Variants in ETS1 observed in about 807,000 individuals in gnomAD.
ETS1 encodes the protein ETS proto-oncogene 1, transcription factor.
A neutral mutation model predicts 58.6 loss-of-function variants in ETS1; 15 were observed. The ratio of observed to expected loss-of-function variants is 0.26; its 90% confidence interval spans 0.17 to 0.39. The LOEUF (loss-of-function observed/expected upper bound fraction) is 0.39, where lower values mean the gene tolerates loss of function less well. Ranked by LOEUF, ETS1 falls within the 10% of genes least tolerant of loss-of-function variation. The pLI is 1.00. For synonymous variants in ETS1, 214 were observed against 218.2 expected (o/e 0.98, Z 0.17); for missense variants, 417 against 610.5 (o/e 0.68, Z 3.34).
At chr11:128,486,454 C>T (rs2135453548) in intron 5 of ETS1, among the ~76,000 whole-genome samples, 2 of 152,298 alleles carry the variant, frequency 1.3e-5, no homozygotes, top group Admixed American at 1.3e-4. Context: ...TGCATTCGTG[C>T]TGCGTGTATG....
chr11:128,585,895 G>A (rs1374898202), intron 1 of ETS1, among the ~76,000 whole-genome samples: 2 of 152,154 alleles, frequency 1.3e-5, no homozygotes, highest in African/African-American at 4.8e-5. Context: ...GACCCCACTT[G>A]CCTTTGAACT....
chr11:128,571,235 T>C (rs953430110), intron 2 of ETS1, among the ~76,000 whole-genome samples: 3 of 151,468 alleles, frequency 2.0e-5, no homozygotes, highest in African/African-American at 4.9e-5. Context: ...GAGACCACGG[T>C]GAAACCCTGT....
chr11:128,473,053 C>T (rs1020923995), intron 8 of ETS1, among the ~76,000 whole-genome samples: 2 of 152,092 alleles, frequency 1.3e-5, no homozygotes, highest in Non-Finnish European at 2.9e-5. Context: ...AGTCTCGATT[C>T]CCTCATTTAT....
intron 7 of ETS1, among the ~76,000 whole-genome samples, chr11:128,482,465 T>C (rs565446265): frequency 1.3e-5 from 2 of 152,294 alleles, no homozygotes; most frequent in African/African-American, 2.4e-5. Context: ...AATTTTATAC[T>C]TGGAGAAAAA....
chr11:128,490,080 T>C (rs1862755256), intron 4 of ETS1, among the ~76,000 whole-genome samples: 2 of 152,222 alleles, frequency 1.3e-5, no homozygotes, highest in African/African-American at 2.4e-5. Context: ...AGTAGCACTG[T>C]AGTATTGATA....
intron 5 of ETS1, among the ~76,000 whole-genome samples, chr11:128,487,745 T>TAAATA (rs1164415796): frequency 2.6e-5 from 4 of 151,428 alleles, no homozygotes; most frequent in East Asian, 3.9e-4. Flanking sequence ...TCTCAAAAAA[T>TAAATA]AAATAAAATA....
chr11:128,586,092 C>T (rs1361669171), intron 1 of ETS1, among the ~76,000 whole-genome samples: 1 of 152,204 alleles, frequency 6.6e-6, no homozygotes, highest in Middle Eastern at 3.2e-3. Context: ...CATAATTAGG[C>T]TCTCGGCTTG....
intron 8 of ETS1, among the ~76,000 whole-genome samples, chr11:128,472,385 A>G (rs971027880): frequency 6.6e-6 from 1 of 152,218 alleles, no homozygotes; most frequent in African/African-American, 2.4e-5. Flanking sequence ...ACAAAAGACA[A>G]TAAAGTTTGG....
chr11:128,527,020 G>T (rs1322608710), intron 3 of ETS1: 2 of 454,108 alleles, frequency 4.4e-6, no homozygotes, highest in African/African-American at 2.0e-5. Flanking sequence ...CATTTACTTT[G>T]CATTTCACTT....
chr11:128,562,556 C>T (rs547804541), intron 2 of ETS1, among the ~76,000 whole-genome samples: 2 of 152,194 alleles, frequency 1.3e-5, no homozygotes, highest in African/African-American at 2.4e-5. Context: ...TCTCCCTGTC[C>T]TCTTAGAAAG....
chr11:128,537,712 T>TA (rs1460113398), intron 3 of ETS1, among the ~76,000 whole-genome samples: 1 of 152,190 alleles, frequency 6.6e-6, no homozygotes, highest in Non-Finnish European at 1.5e-5. Context: ...GCTTTTTTTT[T>TA]ACCACTTATA....
chr11:128,525,954 T>C (rs1234372988), intron 3 of ETS1, among the ~76,000 whole-genome samples: 1 of 152,194 alleles, frequency 6.6e-6, no homozygotes, highest in East Asian at 1.9e-4. Flanking sequence ...GCCAGGGGAC[T>C]CAGATGGTAC....
rs186847037 is a variant in ETS1 at position 128,510,792 on chromosome 11, A to G, written c.215-20216T>C. ...TCACTACTGGCTACTTAAGGTTTAC[A>G]TCCACTCCCAAGGAAACACCAGCAA... On this transcript the variant is annotated intron_variant, in intron 3 of 9. Transcript: ENST00000392668. 8.0e-4 allele frequency among the ~76,000 whole-genome samples: 122 copies of G among 152,310 alleles called. 2 individuals carry two copies. The highest frequency in any genetic ancestry group is 6.3e-3 in the Admixed American group (96 of 15,306).
At chr11:128,511,406 CT>C (rs985448536) in intron 3 of ETS1, among the ~76,000 whole-genome samples, 4 of 152,118 alleles carry the variant, frequency 2.6e-5, no homozygotes, top group Admixed American at 6.6e-5. Context: ...ATCATTCACA[CT>C]TTTTTTTCCT....
chr11:128,537,703 C>CT (rs201783172), intron 3 of ETS1, among the ~76,000 whole-genome samples: 2,212 of 151,446 alleles, frequency 0.015, 29 homozygotes, highest in African/African-American at 0.041. Flanking sequence ...TCTAATTGTG[C>CT]TTTTTTTTTA....
At chr11:128,574,712 G>A (rs1296915590) in intron 1 of ETS1, among the ~76,000 whole-genome samples, 1 of 152,114 alleles carries the variant, frequency 6.6e-6, no homozygotes, top group African/African-American at 2.4e-5. Flanking sequence ...GAGCTCCATG[G>A]CTCCTTTCCC....
At chr11:128,495,996 C>T (rs1050244366) in intron 3 of ETS1, among the ~76,000 whole-genome samples, 2 of 152,114 alleles carry the variant, frequency 1.3e-5, no homozygotes, top group Non-Finnish European at 2.9e-5. Flanking sequence ...CACATGCACA[C>T]CCATACACAC....
intron 1 of ETS1, among the ~76,000 whole-genome samples, chr11:128,584,937 G>GA (rs1157529326): frequency 1.6e-5 from 1 of 63,872 alleles, no homozygotes; most frequent in Non-Finnish European, 3.3e-5. Context: ...AGAAAAAAGA[G>GA]AAAAGAAAGA....
Position 128,579,183 on chromosome 11 carries a change from T to C in ETS1, c.-14-6039A>G, listed in dbSNP as rs141424912. On this transcript the variant is annotated intron_variant, in intron 1 of 9. Transcript: ENST00000392668. ...GCACATGGGGAATTCAAAAGCACAA[T>C]AAAGCTGTGGCAGAAAATGTAGATT... Among the ~76,000 whole-genome samples the C allele has an allele frequency of 6.3e-4, 96 of 152,272 alleles. 1 individual carries two copies. The East Asian group carries it at 0.017, about 27-fold the overall frequency.
Sources: allele counts gnomAD v4.1 joint callset (sites outside exome capture counted in the v4.1 genomes callset), GRCh38; gene constraint gnomAD v4.1.1; transcripts MANE v1.5; gene names NCBI Gene and HGNC (gene_info 2026-07-23, HGNC 2026-07-21).